The following CRYBA4 variants were observed in gnomAD, a reference collection of about 807,000 sequenced individuals.
CRYBA4 encodes the protein crystallin beta A4, also known as beta-crystallin A4.
In CRYBA4, 30 loss-of-function variants were observed where a neutral mutation model predicts 31.7. The ratio of observed to expected loss-of-function variants is 0.95; its 90% confidence interval spans 0.71 to 1.28. The LOEUF (loss-of-function observed/expected upper bound fraction) is 1.28. CRYBA4 is among the 50% of genes most tolerant of loss of function. The probability of loss-of-function intolerance (pLI) is 0.00; values close to 1 mark genes in which losing one functional copy is unlikely to be tolerated. For missense variants in CRYBA4, 225 were observed against 260.7 expected (o/e 0.86, Z 0.94); for synonymous variants, 102 against 102.3 (o/e 1.00, Z 0.02).
chr22:26,607,785 T>C, the CRYBA4 span: 7 of 1,540,258 alleles, frequency 4.5e-6, no homozygotes, highest in African/African-American at 8.2e-5. Flanking sequence ...CTGCCACGCC[T>C]CCCTACCCAC....
the CRYBA4 span, among the ~76,000 whole-genome samples, chr22:26,591,222 T>A: frequency 5.9e-5 from 9 of 151,482 alleles, no homozygotes; most frequent in Non-Finnish European, 1.3e-4. Context: ...AATACGAAAA[T>A]GACTTTGGGA....
At chr22:26,601,397 T>G in the CRYBA4 span, among the ~76,000 whole-genome samples, 1 of 152,066 alleles carries the variant, frequency 6.6e-6, no homozygotes, top group Non-Finnish European at 1.5e-5. Context: ...CTGGCAAGAC[T>G]GAGAGGCAGA....
At chr22:26,621,152 A>G (rs1272850486), upstream of CRYBA4, among the ~76,000 whole-genome samples, 2 of 152,230 alleles carry the variant, frequency 1.3e-5, no homozygotes, top group Non-Finnish European at 2.9e-5. Context: ...CAAATTGTAC[A>G]AGTCCTGGAT....
chr22:26,602,166 C>G, the CRYBA4 span: 4 of 1,039,388 alleles, frequency 3.8e-6, no homozygotes, highest in South Asian at 5.4e-5. Flanking sequence ...GCTGTCTAGT[C>G]TGGAAGGAGA....
chr22:26,607,296 A>G, the CRYBA4 span, among the ~76,000 whole-genome samples: 3 of 152,078 alleles, frequency 2.0e-5, no homozygotes, highest in Non-Finnish European at 4.4e-5. Flanking sequence ...TGCTGGGATT[A>G]CAGGCATGGG....
At chr22:26,591,223 G>T in the CRYBA4 span, among the ~76,000 whole-genome samples, 1 of 151,904 alleles carries the variant, frequency 6.6e-6, no homozygotes, top group East Asian at 1.9e-4. Flanking sequence ...ATACGAAAAT[G>T]ACTTTGGGAG....
At chr22:26,597,709 G>C in the CRYBA4 span, among the ~76,000 whole-genome samples, 1 of 152,146 alleles carries the variant, frequency 6.6e-6, no homozygotes, top group African/African-American at 2.4e-5. Flanking sequence ...AATAGTGTCT[G>C]GCACAGATTT....
chr22:26,617,268 C>T (rs954587592), upstream of CRYBA4, among the ~76,000 whole-genome samples: 5 of 152,136 alleles, frequency 3.3e-5, no homozygotes, highest in Non-Finnish European at 7.4e-5. Context: ...TGATGAATAC[C>T]TCAACTTTGT....
At chr22:26,629,121 T>A (rs1028606144) in intron 5 of CRYBA4, among the ~76,000 whole-genome samples, 1 of 152,160 alleles carries the variant, frequency 6.6e-6, no homozygotes, top group African/African-American at 2.4e-5. Flanking sequence ...AGCTTCAAAC[T>A]CAGCACTGAC....
the CRYBA4 span, among the ~76,000 whole-genome samples, chr22:26,595,186 C>T: frequency 3.8e-3 from 580 of 152,328 alleles, 8 homozygotes; most frequent in African/African-American, 0.013. Context: ...GCAAACAATA[C>T]ATTAAATATA....
the CRYBA4 span, chr22:26,596,675 G>C: frequency 1.3e-5 from 2 of 152,134 alleles, no homozygotes; most frequent in Admixed American, 1.3e-4. Context: ...AATTTCAGGG[G>C]GCTCATATGA....
the CRYBA4 span, chr22:26,601,754 G>A: frequency 1.3e-5 from 20 of 1,500,268 alleles, no homozygotes; most frequent in South Asian, 3.6e-5. Flanking sequence ...AACCAGCACT[G>A]GGAGACTGTG....
At chr22:26,616,459 G>A in the CRYBA4 span, 5 of 706,276 alleles carry the variant, frequency 7.1e-6, no homozygotes, top group East Asian at 2.7e-5. Flanking sequence ...CTTCTGAAAC[G>A]GTTAAGCCTG....
At chr22:26,601,829 C>G in the CRYBA4 span, 1 of 1,610,630 alleles carries the variant, frequency 6.2e-7, no homozygotes, top group Non-Finnish European at 8.5e-7. Context: ...GCCTCTGATT[C>G]TGCCTGTGCT....
the CRYBA4 span, chr22:26,608,071 A>C: frequency 1.9e-6 from 3 of 1,613,580 alleles, no homozygotes; most frequent in Non-Finnish European, 2.5e-6. Flanking sequence ...TGGTTAGTAG[A>C]AGCCCCCACT....
the CRYBA4 span, among the ~76,000 whole-genome samples, chr22:26,596,020 C>T: frequency 1.3e-5 from 2 of 152,212 alleles, no homozygotes; most frequent in Non-Finnish European, 2.9e-5. Context: ...GATCCTCCCA[C>T]CTTAGCCTTC....
chr22:26,592,623 G>T, the CRYBA4 span, among the ~76,000 whole-genome samples: 1 of 152,236 alleles, frequency 6.6e-6, no homozygotes, highest in African/African-American at 2.4e-5. Flanking sequence ...AGAGGTGTCT[G>T]CAGGGCTGGA....
upstream of CRYBA4, among the ~76,000 whole-genome samples, chr22:26,618,442 A>G (rs567778933): frequency 6.6e-5 from 10 of 152,334 alleles, no homozygotes; most frequent in East Asian, 1.7e-3. Context: ...TGCAATTATA[A>G]GGTGGGCACG....
chr22:26,600,076 C>G, the CRYBA4 span, among the ~76,000 whole-genome samples: 7 of 152,166 alleles, frequency 4.6e-5, no homozygotes, highest in Non-Finnish European at 8.8e-5. Flanking sequence ...AACAATGAAG[C>G]AAATGAAAGA....
Sources: allele counts gnomAD v4.1 joint callset (sites outside exome capture counted in the v4.1 genomes callset), GRCh38; gene constraint gnomAD v4.1.1; transcripts MANE v1.5; gene names NCBI Gene and HGNC (gene_info 2026-07-23, HGNC 2026-07-21).